The following SYT17 variants were observed in gnomAD, a reference collection of about 807,000 sequenced individuals.
SYT17 encodes synaptotagmin 17.
A neutral mutation model predicts 46.7 loss-of-function variants in SYT17; 22 were observed. The ratio of observed to expected loss-of-function variants is 0.47; its 90% CI spans 0.34 to 0.67. The LOEUF is 0.67. Ranked by LOEUF, SYT17 falls within the 30% of genes least tolerant of loss-of-function variation. The pLI is 0.01. For missense variants in SYT17, 519 were observed against 612.8 expected, an observed-to-expected ratio of 0.85 and a Z score of 1.62; for synonymous variants, 251 against 248.4, an observed-to-expected ratio of 1.01 and a Z score of -0.10.
chr16:19,186,623 G>T (rs1215372509), intron 5 of SYT17, among the ~76,000 whole-genome samples: 3 of 152,268 alleles, frequency 2.0e-5, no homozygotes, highest in African/African-American at 7.2e-5. Flanking sequence ...CAGCCAAGTA[G>T]TGGCTGTTAA....
intron 5 of SYT17, among the ~76,000 whole-genome samples, chr16:19,219,850 G>GTTTTGT (rs1966242392): frequency 6.6e-6 from 1 of 152,052 alleles, no homozygotes; most frequent in Admixed American, 6.5e-5. Flanking sequence ...TTTTTGTTCT[G>GTTTTGT]TTTTGTTTTT....
At chr16:19,230,455 CTG>C (rs1024727332) in intron 7 of SYT17, among the ~76,000 whole-genome samples, 3 of 151,246 alleles carry the variant, frequency 2.0e-5, no homozygotes, top group Admixed American at 1.3e-4. Context: ...TTACACAACA[CTG>C]TGAATATACT....
intron 7 of SYT17, among the ~76,000 whole-genome samples, chr16:19,251,629 G>T (rs1439619751): frequency 1.3e-5 from 2 of 152,134 alleles, no homozygotes; most frequent in Non-Finnish European, 2.9e-5. Flanking sequence ...GGGCCCATGG[G>T]AAGTGACAGC....
At chr16:19,202,372 G>A (rs1486240556) in intron 5 of SYT17, among the ~76,000 whole-genome samples, 1 of 152,244 alleles carries the variant, frequency 6.6e-6, no homozygotes, top group African/African-American at 2.4e-5. Context: ...GGACAGCCAA[G>A]TAGAAAGGAT....
chr16:19,172,908 T>G, intron 2 of SYT17, 131 bp downstream of exon 2: 1 of 1,132,520 alleles, frequency 8.8e-7, no homozygotes. Flanking sequence ...AACGGCACAG[T>G]TTCCATTCCT....
chr16:19,197,486 T>C (rs1341969165), intron 5 of SYT17, among the ~76,000 whole-genome samples: 1 of 152,108 alleles, frequency 6.6e-6, no homozygotes, highest in Non-Finnish European at 1.5e-5. Flanking sequence ...TCTCACTCTG[T>C]TGCCCAGAAT....
At chr16:19,259,477 T>TA (rs1968809858) in intron 7 of SYT17, among the ~76,000 whole-genome samples, 1 of 152,200 alleles carries the variant, frequency 6.6e-6, no homozygotes, top group Non-Finnish European at 1.5e-5. Flanking sequence ...CTTCACCAAA[T>TA]GGTTCCATTC....
At chr16:19,171,153 G>T (rs1343664851) in intron 1 of SYT17, 3 of 152,414 alleles carry the variant, frequency 2.0e-5, no homozygotes, top group Admixed American at 6.5e-5. Flanking sequence ...GCACCTTTGG[G>T]TCTTGTTCTG....
intron 7 of SYT17, among the ~76,000 whole-genome samples, chr16:19,225,380 T>G (rs1170412860): frequency 6.6e-6 from 1 of 152,206 alleles, no homozygotes; most frequent in Non-Finnish European, 1.5e-5. Flanking sequence ...CATGTGACAC[T>G]GTCTGGTAGA....
At chr16:19,236,229 C>G (rs1966846000) in intron 7 of SYT17, among the ~76,000 whole-genome samples, 1 of 152,198 alleles carries the variant, frequency 6.6e-6, no homozygotes, top group African/African-American at 2.4e-5. Context: ...GTTGCTTTAC[C>G]ACGCTGAACC....
At chr16:19,252,185 T>A (rs1200896043) in intron 7 of SYT17, among the ~76,000 whole-genome samples, 1 of 147,626 alleles carries the variant, frequency 6.8e-6, no homozygotes, top group African/African-American at 2.6e-5. Context: ...AAAAAAACCA[T>A]GTTTGAGACG....
intron 7 of SYT17, among the ~76,000 whole-genome samples, chr16:19,226,001 G>T (rs984590978): frequency 6.6e-6 from 1 of 152,186 alleles, no homozygotes; most frequent in East Asian, 1.9e-4. Context: ...CATCTTAGAA[G>T]CTACTCACCA....
intron 7 of SYT17, among the ~76,000 whole-genome samples, chr16:19,226,121 T>A (rs949707031): frequency 3.3e-5 from 5 of 152,174 alleles, no homozygotes; most frequent in African/African-American, 1.2e-4. Context: ...CCCTGTCAAG[T>A]TGATATCTTC....
intron 5 of SYT17, among the ~76,000 whole-genome samples, chr16:19,197,426 T>TTTTG (rs5816035): frequency 0.3 from 45,166 of 150,240 alleles, 6,817 homozygotes; most frequent in Middle Eastern, 0.42. Context: ...TTTTGTTTTG[T>TTTTG]TTTGTTTGTT....
chr16:19,195,953 C>G (rs1334716086), intron 5 of SYT17, among the ~76,000 whole-genome samples: 2 of 152,082 alleles, frequency 1.3e-5, no homozygotes, highest in African/African-American at 4.8e-5. Context: ...ACACTGCACT[C>G]CAGCCTGGGT....
intron 5 of SYT17, among the ~76,000 whole-genome samples, chr16:19,185,854 A>G (rs1256891519): frequency 6.6e-6 from 1 of 152,250 alleles, no homozygotes. Context: ...GAACCCATTC[A>G]GAGTGAGCCT....
At chr16:19,177,866 T>C (rs1000719839) in intron 3 of SYT17, among the ~76,000 whole-genome samples, 9 of 152,216 alleles carry the variant, frequency 5.9e-5, no homozygotes, top group Admixed American at 2.0e-4. Flanking sequence ...AAGCACATAT[T>C]GAATGCCTAC....
chr16:19,264,137 C>G (rs12325307), intron 7 of SYT17, among the ~76,000 whole-genome samples: 1 of 152,106 alleles, frequency 6.6e-6, no homozygotes, highest in Admixed American at 6.6e-5. Flanking sequence ...CACCAGACAC[C>G]GAATTTGCCA....
intron 5 of SYT17, among the ~76,000 whole-genome samples, chr16:19,184,752 G>A (rs968011468): frequency 6.6e-6 from 1 of 152,110 alleles, no homozygotes; most frequent in Non-Finnish European, 1.5e-5. Flanking sequence ...TCGATGCTGA[G>A]TTATTTAATA....
Sources: allele counts gnomAD v4.1 joint callset (sites outside exome capture counted in the v4.1 genomes callset), GRCh38; gene constraint gnomAD v4.1.1; transcripts MANE v1.5; gene names NCBI Gene and HGNC (gene_info 2026-07-23, HGNC 2026-07-21).